The following CDKAL1 variants were observed in gnomAD, a reference collection of about 807,000 sequenced individuals.
CDKAL1 encodes the protein threonylcarbamoyladenosine tRNA methylthiotransferase.
Under a neutral mutation model 68.2 loss-of-function variants are expected in CDKAL1, and 32 were observed. The observed-to-expected ratio is 0.47, with a 90% CI of 0.35 to 0.63. The LOEUF is 0.63. CDKAL1 is among the 30% of genes least tolerant of loss of function. The pLI, the probability that CDKAL1 is intolerant of heterozygous loss-of-function variation, is 0.00. For missense variants in CDKAL1, 606 were observed against 696.7 expected (o/e 0.87, Z 1.47); for synonymous variants, 234 against 244.3 (o/e 0.96, Z 0.39).
intron 6 of CDKAL1, chr6:20,756,839 T>TTCCTTC (rs1774198628): frequency 5.4e-4 from 37 of 68,848 alleles, no homozygotes; most frequent in South Asian, 2.0e-3. Context: ...TTCCTTCCTT[T>TTCCTTC]CTTCCTTCCT....
intron 15 of CDKAL1, among the ~76,000 whole-genome samples, chr6:21,229,585 G>A (rs142926281): frequency 2.8e-3 from 427 of 152,288 alleles, no homozygotes; most frequent in Admixed American, 6.2e-3. Context: ...AAAGTACCAT[G>A]GTTGTTCAAA....
chr6:21,067,358 C>A (rs181842983), intron 12 of CDKAL1, among the ~76,000 whole-genome samples: 2 of 152,140 alleles, frequency 1.3e-5, no homozygotes, highest in East Asian at 3.9e-4. Flanking sequence ...ATTATGTTGG[C>A]GAACTAATCT....
chr6:20,960,691 G>A (rs1765010770), intron 10 of CDKAL1, among the ~76,000 whole-genome samples: 1 of 152,210 alleles, frequency 6.6e-6, no homozygotes, highest in Non-Finnish European at 1.5e-5. Context: ...TTGACTTCAT[G>A]CCTCATGTAC....
At chr6:21,209,926 C>T (rs1779085721) in intron 15 of CDKAL1, among the ~76,000 whole-genome samples, 1 of 152,188 alleles carries the variant, frequency 6.6e-6, no homozygotes, top group Non-Finnish European at 1.5e-5. Flanking sequence ...CTTCACATGT[C>T]TTTACCTTTT....
rs985338495 is a variant in CDKAL1, at chr6:21,191,620, A to G, written c.1300-6401A>G. On this transcript the variant is annotated intron_variant, in intron 13 of 15. Transcript: ENST00000274695. The stretch of plus-strand genomic sequence containing the variant: ...CCTTTCTTCTGCCACTGCCACTGCC[A>G]CTGAGCAAATCACCCATCTTGCCAG... Among the ~76,000 whole-genome samples, 4 of 152,166 alleles carry G rather than the reference A, an allele frequency of 2.6e-5. No individual in the cohort carries two copies. In the East Asian group the frequency reaches 7.7e-4, roughly 29 times the overall value.
chr6:20,565,831 C>T (rs1269651470), intron 4 of CDKAL1, among the ~76,000 whole-genome samples: 1 of 152,070 alleles, frequency 6.6e-6, no homozygotes, highest in African/African-American at 2.4e-5. Flanking sequence ...GATGAAAAAA[C>T]AGGGCTTCAT....
chr6:21,180,611 TA>T (rs1211537529), intron 13 of CDKAL1, among the ~76,000 whole-genome samples: 1 of 152,192 alleles, frequency 6.6e-6, no homozygotes, highest in African/African-American at 2.4e-5. Context: ...ATTTTGAATT[TA>T]AAAACTTTTT....
intron 3 of CDKAL1, among the ~76,000 whole-genome samples, chr6:20,547,766 T>C (rs1199254357): frequency 6.6e-6 from 1 of 152,168 alleles, no homozygotes; most frequent in Non-Finnish European, 1.5e-5. Flanking sequence ...AAGTCCTTTT[T>C]TCCCCTAAAA....
intron 8 of CDKAL1, among the ~76,000 whole-genome samples, chr6:20,819,190 C>A (rs116485578): frequency 0.01 from 1,582 of 151,538 alleles, 30 homozygotes; most frequent in African/African-American, 0.034. Context: ...TTTATTTTCA[C>A]TATAAATAAG....
At chr6:20,702,589 GGCTGGCCT>G (rs201914127) in intron 5 of CDKAL1, among the ~76,000 whole-genome samples, 11 of 152,104 alleles carry the variant, frequency 7.2e-5, no homozygotes, top group African/African-American at 1.2e-4. Flanking sequence ...GTCGATGGCC[GGCTGGCCT>G]GCTGGCCTGC....
chr6:21,020,774 C>T (rs1350192842), intron 11 of CDKAL1, among the ~76,000 whole-genome samples: 26 of 132,820 alleles, frequency 2.0e-4, no homozygotes, highest in Non-Finnish European at 2.7e-4. Flanking sequence ...GCCTTTTTTC[C>T]TTTTTTTTTT....
intron 11 of CDKAL1, among the ~76,000 whole-genome samples, chr6:21,018,636 T>C (rs766971366): frequency 4.6e-5 from 7 of 152,216 alleles, no homozygotes; most frequent in Non-Finnish European, 8.8e-5. Context: ...GTTGCAAATA[T>C]TATGACATTG....
chr6:20,941,528 T>G (rs556960012), intron 9 of CDKAL1, among the ~76,000 whole-genome samples: 1 of 152,348 alleles, frequency 6.6e-6, no homozygotes, highest in South Asian at 2.1e-4. Context: ...TCAAACTGGA[T>G]AATTCTTATT....
chr6:20,990,919 A>G (rs564329816), intron 10 of CDKAL1, among the ~76,000 whole-genome samples: 2 of 152,228 alleles, frequency 1.3e-5, no homozygotes, highest in Non-Finnish European at 2.9e-5. Context: ...TGGGACATTC[A>G]GTCATTTATA....
intron 9 of CDKAL1, among the ~76,000 whole-genome samples, chr6:20,923,240 C>G (rs980192528): frequency 6.6e-6 from 1 of 152,078 alleles, no homozygotes; most frequent in Admixed American, 6.6e-5. Flanking sequence ...CTCTTGGGTA[C>G]AGGTATACCT....
chr6:21,050,561 C>T (rs1361124128), intron 11 of CDKAL1, among the ~76,000 whole-genome samples: 1 of 152,134 alleles, frequency 6.6e-6, no homozygotes, highest in African/African-American at 2.4e-5. Context: ...GGCTGGGTCT[C>T]GGGCCTTTTA....
chr6:20,689,724 A>G (rs966848705), intron 5 of CDKAL1, among the ~76,000 whole-genome samples: 1 of 152,178 alleles, frequency 6.6e-6, no homozygotes, highest in Non-Finnish European at 1.5e-5. Context: ...GTTTTCAAAG[A>G]AATTTCATGT....
chr6:20,810,432 AC>A, intron 8 of CDKAL1, among the ~76,000 whole-genome samples: 1 of 116,112 alleles, frequency 8.6e-6, no homozygotes, highest in South Asian at 2.6e-4. Flanking sequence ...ACACACACAC[AC>A]ACACACACAC....
At chr6:20,843,260 T>A (rs1778246245) in intron 8 of CDKAL1, among the ~76,000 whole-genome samples, 1 of 152,114 alleles carries the variant, frequency 6.6e-6, no homozygotes, top group Admixed American at 6.5e-5. Context: ...CTGAGTATTT[T>A]ACATGTATCA....
Sources: gnomAD v4.1 joint callset for allele counts (sites outside exome capture counted in the v4.1 genomes callset) on GRCh38, gnomAD v4.1.1 for gene constraint, MANE v1.5 for transcripts, NCBI Gene and HGNC (gene_info 2026-07-23, HGNC 2026-07-21) for gene names.